The following TNS1 variants were observed in gnomAD, a reference collection of about 807,000 sequenced individuals.
TNS1 encodes the protein tensin 1.
Under a neutral mutation model 168.6 loss-of-function variants are expected in TNS1, and 62 were observed. The observed-to-expected ratio is 0.37, with a 90% CI of 0.30 to 0.45. The LOEUF is 0.45. TNS1 is among the 20% of genes least tolerant of loss of function. TNS1 has a pLI of 1.00. For missense variants in TNS1, 2,240 were observed against 2,339.4 expected (o/e 0.96, Z 0.88); for synonymous variants, 934 against 933.2 (o/e 1.00, Z -0.02).
At position 217,966,714 on chromosome 2, in the gene TNS1, A is replaced by T. The variant is rs1375792467; in HGVS notation, c.186+12051T>A. 2.0e-5 allele frequency among the ~76,000 whole-genome samples: 3 copies of T among 152,208 alleles called. No homozygotes were observed. The East Asian group carries it at 5.8e-4, about 29-fold the overall frequency. On this transcript the variant is annotated intron_variant, in intron 3 of 32. Coordinates refer to ENST00000682258, the MANE Select transcript of TNS1 (RefSeq NM_001387777.1). ...GGCTCACTGAACAGCACAAGGGAACACTGACCCATTGCTCTCCCCTAAGCA... is the reference window on the plus strand; with the variant it reads ...GGCTCACTGAACAGCACAAGGGAACTCTGACCCATTGCTCTCCCCTAAGCA...
At chr2:217,965,111 G>T (rs1473746899) in intron 3 of TNS1, among the ~76,000 whole-genome samples, 2 of 152,232 alleles carry the variant, frequency 1.3e-5, no homozygotes, top group Non-Finnish European at 2.9e-5. Flanking sequence ...GCGAACCACA[G>T]TCATTCAGTG....
intron 3 of TNS1, among the ~76,000 whole-genome samples, chr2:217,970,404 C>G (rs992511441): frequency 6.6e-6 from 1 of 152,140 alleles, no homozygotes; most frequent in Non-Finnish European, 1.5e-5. Context: ...ACTACACACA[C>G]CCAAGAGAAA....
Position 218,033,142 on chromosome 2 carries a change from G to A in TNS1, c.156+678C>T, listed in dbSNP as rs527295847. Among the ~76,000 whole-genome samples the A allele has an allele frequency of 6.6e-6, 1 of 152,246 alleles. No individual in the cohort carries two copies. The highest frequency in any genetic ancestry group is 1.9e-4 in the East Asian group (1 of 5,168). The stretch of plus-strand genomic sequence containing the variant: ...AGTCCTGAGGTCACAGGGACCTAGA[G>A]AGGAGTTACCCATCCCTGGTGACCC... On this transcript the variant is annotated intron_variant, in intron 1 of 1. Coordinates refer to the TNS1 transcript ENST00000649572. The surrounding 1 kb of genome is among the most constrained non-coding windows in gnomAD (Gnocchi z 4.3).
rs1416604723 is a variant in TNS1, at chr2:217,937,350, G to A, written c.187-17114C>T. On this transcript the variant is annotated intron_variant, in intron 3 of 32. Transcript: ENST00000682258. The stretch of plus-strand genomic sequence containing the variant: ...GCTGCTGCCGCACAGCGTCCACAGT[G>A]GGTCCACAGGCACTGCCCCGGACCC... 1.4e-4 allele frequency among the ~76,000 whole-genome samples: 22 copies of A among 152,138 alleles called. 1 individual carries two copies. The highest frequency in any genetic ancestry group is 1.4e-3 in the Admixed American group (22 of 15,276).
At chr2:217,972,498 G>A (rs775409473) in intron 3 of TNS1, among the ~76,000 whole-genome samples, 2 of 152,232 alleles carry the variant, frequency 1.3e-5, no homozygotes, top group Non-Finnish European at 2.9e-5. Flanking sequence ...TTCCTTTCAA[G>A]CTTAAAGGAT....
chr2:217,879,334 C>T (rs901095470), intron 18 of TNS1: 14 of 395,598 alleles, frequency 3.5e-5, no homozygotes, highest in African/African-American at 3.0e-4. Flanking sequence ...ATGCAAACAT[C>T]CCCAGCACAA....
chr2:217,982,685 G>C (rs1234034411), intron 2 of TNS1, among the ~76,000 whole-genome samples: 1 of 152,090 alleles, frequency 6.6e-6, no homozygotes, highest in Admixed American at 6.5e-5. Flanking sequence ...TTACAGGAGT[G>C]AACCATGGAC....
chr2:217,937,577 G>A (rs1304871497), intron 3 of TNS1, among the ~76,000 whole-genome samples: 3 of 152,146 alleles, frequency 2.0e-5, no homozygotes, highest in South Asian at 4.1e-4. Flanking sequence ...TCCTGCCAGC[G>A]ACTGCCAGAG....
At chr2:217,934,833 T>C (rs942828904) in intron 3 of TNS1, among the ~76,000 whole-genome samples, 1 of 152,230 alleles carries the variant, frequency 6.6e-6, no homozygotes, top group African/African-American at 2.4e-5. Flanking sequence ...CCCACCTCGA[T>C]GCTGGACAGC....
intron 1 of TNS1, among the ~76,000 whole-genome samples, chr2:218,018,948 G>A (rs1958783984): frequency 6.6e-6 from 1 of 152,050 alleles, no homozygotes; most frequent in Non-Finnish European, 1.5e-5. Flanking sequence ...GTGGTGGCAT[G>A]TGCCTGTAGT....
intron 19 of TNS1, among the ~76,000 whole-genome samples, chr2:217,845,266 T>C (rs923567545): frequency 3.3e-5 from 5 of 152,190 alleles, no homozygotes; most frequent in Non-Finnish European, 5.9e-5. Context: ...AGATCTGAGC[T>C]TCCTAGGTTA....
At chr2:218,026,715 C>T (rs1395347153) in intron 1 of TNS1, among the ~76,000 whole-genome samples, 2 of 152,262 alleles carry the variant, frequency 1.3e-5, no homozygotes, top group Non-Finnish European at 2.9e-5. Context: ...GCCACAGGTG[C>T]CCTTTGCAGC....
At chr2:217,886,672 A>G in intron 12 of TNS1, 26 bp from the exon 13 acceptor site, 3 of 1,524,886 alleles carry the variant, frequency 2.0e-6, no homozygotes, top group Non-Finnish European at 2.7e-6. Flanking sequence ...AAGCAGCTTC[A>G]GGGAGTGAGG....
At chr2:217,851,386 G>A (rs1308195017) in intron 18 of TNS1, among the ~76,000 whole-genome samples, 1 of 149,642 alleles carries the variant, frequency 6.7e-6, no homozygotes, top group East Asian at 2.0e-4. Flanking sequence ...GGCCAGCCAT[G>A]TTACAACACA....
At position 217,892,696 on chromosome 2, in the gene TNS1, G is replaced by A. The variant is rs193145912; in HGVS notation, c.782+252C>T. On this transcript the variant is annotated intron_variant, in intron 11 of 32. Coordinates refer to ENST00000682258, the MANE Select transcript of TNS1 (RefSeq NM_001387777.1). The stretch of plus-strand genomic sequence containing the variant: ...CTCCGAGGAGCTGGCCGCATGGGTT[G>A]CTCAGGACAGGGCCTGCCTCCCAAG... Among the ~76,000 whole-genome samples the A allele has an allele frequency of 3.3e-3, 505 of 152,252 alleles. 7 individuals carry two copies. Among genetic ancestry groups the A allele is most frequent in the African/African-American group, 0.011 (458 of 41,538 alleles).
intron 1 of TNS1, among the ~76,000 whole-genome samples, chr2:218,024,746 G>C (rs1055729615): frequency 2.0e-5 from 3 of 152,116 alleles, no homozygotes; most frequent in Admixed American, 6.5e-5. Context: ...GGTGTAGAAG[G>C]CTGTGTCCAG....
chr2:217,888,236 C>T (rs1164114281), intron 12 of TNS1, among the ~76,000 whole-genome samples: 2 of 152,152 alleles, frequency 1.3e-5, no homozygotes, highest in East Asian at 1.9e-4. Context: ...AGTCCGGAGG[C>T]GGGTGACAAT....
chr2:218,015,444 CACT>C (rs1430045342), intron 1 of TNS1, among the ~76,000 whole-genome samples: 2 of 152,108 alleles, frequency 1.3e-5, no homozygotes, highest in African/African-American at 2.4e-5. Context: ...TCCCCTTCAC[CACT>C]ACTAGCCCAG....
At chr2:218,004,530 G>A (rs1958637706), upstream of TNS1, among the ~76,000 whole-genome samples, 1 of 152,218 alleles carries the variant, frequency 6.6e-6, no homozygotes, top group Non-Finnish European at 1.5e-5. Context: ...CCAGAATGAA[G>A]GGGAAACACT....
Sources: gnomAD v4.1 joint callset for allele counts (sites outside exome capture counted in the v4.1 genomes callset) on GRCh38, gnomAD v4.1.1 for gene constraint, Gnocchi (gnomAD v3.1) non-coding constraint, MANE v1.5 for transcripts, NCBI Gene and HGNC (gene_info 2026-07-23, HGNC 2026-07-21) for gene names.